The following UNK variants were observed in gnomAD, a reference collection of about 807,000 sequenced individuals.
UNK encodes unk zinc finger.
UNK carries 32 observed loss-of-function variants against 97.6 expected under a neutral mutation model. That is an observed-to-expected ratio of 0.33 (90% confidence interval 0.25 to 0.44). The LOEUF (loss-of-function observed/expected upper bound fraction) is 0.44. Among genes scored for constraint, UNK ranks in the 20% least tolerant of loss-of-function variants. UNK has a pLI of 1.00. For missense variants in UNK, 771 were observed against 1,098.4 expected (o/e 0.70, Z 4.21); for synonymous variants, 441 against 461.2 (o/e 0.96, Z 0.56).
At chr17:75,810,408 G>A (rs1488385078) in intron 2 of UNK, among the ~76,000 whole-genome samples, 1 of 150,100 alleles carries the variant, frequency 6.7e-6, no homozygotes, top group African/African-American at 2.5e-5. Flanking sequence ...CCACACCTGG[G>A]AGTGTCGCAC....
At position 75,817,573 on chromosome 17, in the gene UNK, G is replaced by C. The variant is rs774844011; in HGVS notation, c.1305+47G>C. 15 of 1,522,320 alleles carry C rather than the reference G, an allele frequency of 9.9e-6. No individual in the cohort carries two copies. Among genetic ancestry groups the C allele is most frequent in the Non-Finnish European group, 1.2e-5 (14 of 1,127,788 alleles). The allele number at this position is 1,522,320 out of a possible 1,614,324, so 94.3% of individuals were successfully genotyped here. A position where few individuals can be genotyped will look rare whatever the true frequency, so the allele number is the denominator to read the frequency against. ...AGTGAGGTTAGCCTTCTCCTGCGTG[G>C]GGCAAGAGAATCTTGGAGGAGTGTC... On this transcript the variant is annotated intron_variant, in intron 9 of 15. Coordinates refer to ENST00000589666, the MANE Select transcript of UNK (RefSeq NM_001080419.3). This position sits in a 1 kb window ranked among gnomAD's most constrained non-coding sequence, Gnocchi z 5.8.
At chr17:75,796,837 T>G (rs1199755917) in intron 1 of UNK, among the ~76,000 whole-genome samples, 2 of 152,248 alleles carry the variant, frequency 1.3e-5, no homozygotes, top group African/African-American at 4.8e-5. Context: ...AATTTAGAAT[T>G]TTAACCCATG....
Position 75,823,448 on chromosome 17 carries a change from C to G in UNK, c.2203C>G (p.Leu735Val). Residue 735 changes from leucine (L) to valine (V), a missense_variant, in exon 15 of 16, where the codon CTG becomes GTG. Around this residue, in one of 5 missense-constraint regions of UNK, gnomAD observed 208 missense variants for 257.4 expected, o/e 0.81. Coordinates refer to ENST00000589666, the MANE Select transcript of UNK (RefSeq NM_001080419.3). ...EPQALPAFSDLEALSLSTLYS... is the reference protein window; with the variant it reads ...EPQALPAFSDVEALSLSTLYS... ...CCAGGCCCTGCCCGCCTTCTCCGAC[C>G]TGGAGGCGCTCTCACTCTCCACCCT... is the stretch of plus-strand genomic sequence containing the variant. 8 of 1,584,560 alleles carry G rather than the reference C, an allele frequency of 5.0e-6. No homozygotes were observed. The highest frequency in any genetic ancestry group is 2.3e-5 in the East Asian group (1 of 43,512).
At chr17:75,808,578 C>A (rs1171823998) in intron 1 of UNK, among the ~76,000 whole-genome samples, 1 of 152,174 alleles carries the variant, frequency 6.6e-6, no homozygotes, top group Non-Finnish European at 1.5e-5. Flanking sequence ...CTCTCCTCCC[C>A]TCTTCCCCCT....
intron 1 of UNK, among the ~76,000 whole-genome samples, chr17:75,802,932 C>T (rs1488371656): frequency 1.4e-5 from 2 of 146,436 alleles, no homozygotes; most frequent in African/African-American, 5.2e-5. Flanking sequence ...TGAGACCACC[C>T]TGGCCAACAT....
chr17:75,796,734 A>G (rs2061809180), intron 1 of UNK, among the ~76,000 whole-genome samples: 1 of 152,232 alleles, frequency 6.6e-6, no homozygotes, highest in South Asian at 2.1e-4. Context: ...TAAATATGGA[A>G]TGTAGAACTG....
rs1021151135 is a variant in UNK at position 75,822,750 on chromosome 17, A to G, written c.2019+92A>G. The G allele has an allele frequency of 9.4e-6, 13 of 1,381,078 alleles. No homozygotes were observed. The East Asian group carries it at 1.1e-4, about 12-fold the overall frequency. 85.6% of individuals were successfully genotyped at this position (1,381,078 alleles called of 1,614,324 possible). On this transcript the variant is annotated intron_variant, in intron 14 of 15. Coordinates refer to ENST00000589666, the MANE Select transcript of UNK (RefSeq NM_001080419.3). ...ACAGAGTGGGCGTGGGGTGGGGGAA[A>G]GCGGGGGCTGGAAGAACAGAGCAGA...
rs190246359 is a variant in UNK, at chr17:75,811,940, C to T, written c.315-172C>T. ...AGTCAGAGTTGCAGTGAGCCAAGATCGCGCCGCTGCACTCCAGCCTGGCGA... is the reference window on the plus strand; with the variant it reads ...AGTCAGAGTTGCAGTGAGCCAAGATTGCGCCGCTGCACTCCAGCCTGGCGA... On this transcript the variant is annotated intron_variant, in intron 2 of 15. Coordinates refer to ENST00000589666, the MANE Select transcript of UNK (RefSeq NM_001080419.3). Among the ~76,000 whole-genome samples, 382 of 152,236 alleles carry T rather than the reference C, an allele frequency of 2.5e-3. 2 individuals are homozygous for T. The highest frequency in any genetic ancestry group is 8.9e-3 in the African/African-American group (368 of 41,540).
chr17:75,813,899 G>A (rs572925485), intron 6 of UNK, 21 bp downstream of exon 6: 21 of 1,547,864 alleles, frequency 1.4e-5, no homozygotes, highest in Middle Eastern at 1.7e-4. Flanking sequence ...CAGCAGGGTG[G>A]GGGGGTGGCT....
intron 13 of UNK, chr17:75,821,177 G>A (rs769433568): frequency 6.1e-6 from 2 of 325,492 alleles, no homozygotes; most frequent in Non-Finnish European, 1.2e-5. Context: ...TCAGCCTCCT[G>A]AGTAGCTGGG....
At position 75,824,446 on chromosome 17, in the gene UNK, G is replaced by T; in HGVS notation, c.*29G>T. 1 of 1,415,764 alleles carries T rather than the reference G, an allele frequency of 7.1e-7. No homozygotes were observed. Among genetic ancestry groups the T allele is most frequent in the Non-Finnish European group, 9.2e-7 (1 of 1,086,486 alleles). The allele number at this position is 1,415,764 out of a possible 1,614,324, so 87.7% of individuals were successfully genotyped here. ...TGCAGGCCTGGCCCAGCCTGGCCCA[G>T]ATCTTCTCACCTAGGACTTTTTAAA... On this transcript the variant is annotated 3_prime_UTR_variant, in exon 16 of 16. Coordinates refer to ENST00000589666, the MANE Select transcript of UNK (RefSeq NM_001080419.3). This position sits in a 1 kb window ranked among gnomAD's most constrained non-coding sequence, Gnocchi z 4.9.
chr17:75,799,102 G>A (rs1344326270), intron 1 of UNK, among the ~76,000 whole-genome samples: 1 of 151,642 alleles, frequency 6.6e-6, no homozygotes, highest in East Asian at 1.9e-4. Flanking sequence ...CTGGAGGTCA[G>A]GAGTTTGAGA....
In UNK at chr17:75,816,722, G is replaced by A. The variant is rs2143802580; in HGVS notation, c.962-48G>A. On this transcript the variant is annotated intron_variant, in intron 7 of 15. Coordinates refer to ENST00000589666, the MANE Select transcript of UNK (RefSeq NM_001080419.3). This position sits in a 1 kb window ranked among gnomAD's most constrained non-coding sequence, Gnocchi z 4.0. ...AAGGGACCCAGGAGCATTTTTGGAGGGACAGAGCTGGCTGGGGCCTGCTGA... is the reference window on the plus strand; with the variant it reads ...AAGGGACCCAGGAGCATTTTTGGAGAGACAGAGCTGGCTGGGGCCTGCTGA... 2 of 1,556,380 alleles carry A rather than the reference G, an allele frequency of 1.3e-6. No homozygotes were observed. Among genetic ancestry groups the A allele is most frequent in the South Asian group, 1.2e-5 (1 of 85,818 alleles).
intron 13 of UNK, chr17:75,821,876 GCCTTTGGAACCACACT>G: frequency 2.7e-6 from 1 of 370,326 alleles, no homozygotes; most frequent in South Asian, 2.0e-5. Flanking sequence ...GAAAGCATAG[GCCTTTGGAACCACACT>G]CCCTGTCTGT....
At chr17:75,786,772 G>A (rs1182113173) in intron 1 of UNK, among the ~76,000 whole-genome samples, 2 of 152,112 alleles carry the variant, frequency 1.3e-5, no homozygotes, top group Admixed American at 1.3e-4. Context: ...CAGGAGAATC[G>A]CTTGAACCCG....
At chr17:75,815,520 G>A (rs1185883097) in intron 7 of UNK, among the ~76,000 whole-genome samples, 4 of 152,240 alleles carry the variant, frequency 2.6e-5, no homozygotes, top group African/African-American at 9.7e-5. Context: ...GGAGGGTTGA[G>A]GCACTGTGCC....
intron 1 of UNK, among the ~76,000 whole-genome samples, chr17:75,795,006 A>G (rs1027772206): frequency 6.6e-6 from 1 of 152,166 alleles, no homozygotes; most frequent in Non-Finnish European, 1.5e-5. Context: ...CATCCACACT[A>G]AAATAGATCC....
At chr17:75,790,098 G>A (rs1384085881) in intron 1 of UNK, among the ~76,000 whole-genome samples, 4 of 151,100 alleles carry the variant, frequency 2.6e-5, no homozygotes, top group African/African-American at 7.3e-5. Flanking sequence ...AGCCGAGATC[G>A]CGCCATTGCA....
At position 75,825,205 on chromosome 17, in the gene UNK, C is replaced by CCCG. The variant is rs1567813318; in HGVS notation, c.*794_*796dup. 6.6e-6 allele frequency: 1 copy of CCCG among 152,092 alleles called. No homozygotes were observed. The highest frequency in any genetic ancestry group is 6.5e-5 in the Admixed American group (1 of 15,286). The allele number at this position is 152,092 out of a possible 1,614,324, so 9.4% of individuals were successfully genotyped here. ...TGAGGGTCCACCCTCAGTCCTTCCC[C>CCCG]CCGCCGCCCCTCCCCGGACTCCCCA... On this transcript the variant is annotated 3_prime_UTR_variant, in exon 16 of 16. Transcript: ENST00000589666. The surrounding 1 kb of genome is among the most constrained non-coding windows in gnomAD (Gnocchi z 4.4).
Sources: gnomAD v4.1 joint callset for allele counts (sites outside exome capture counted in the v4.1 genomes callset) on GRCh38, gnomAD v4.1.1 for gene constraint, gnomAD v4.1.1 regional missense constraint, Gnocchi (gnomAD v3.1) non-coding constraint, MANE v1.5 for transcripts, NCBI Gene and HGNC (gene_info 2026-07-23, HGNC 2026-07-21) for gene names.